The following RAP1A variants were observed in gnomAD, a reference collection of about 807,000 sequenced individuals.
RAP1A encodes ras-related protein Rap-1A.
A neutral mutation model predicts 26.4 loss-of-function variants in RAP1A; 6 were observed. The ratio of observed to expected loss-of-function variants is 0.23; its 90% CI spans 0.12 to 0.45. The LOEUF (loss-of-function observed/expected upper bound fraction) is 0.45. Ranked by LOEUF, RAP1A falls within the 20% of genes least tolerant of loss-of-function variation. The pLI, the probability that RAP1A is intolerant of heterozygous loss-of-function variation, is 0.99. For synonymous variants in RAP1A, 73 were observed against 79.4 expected (o/e 0.92, Z 0.43); for missense variants, 121 against 217.2 (o/e 0.56, Z 2.78).
intron 1 of RAP1A, among the ~76,000 whole-genome samples, chr1:111,612,184 C>A (rs1557865278): frequency 6.6e-6 from 1 of 152,184 alleles, no homozygotes; most frequent in East Asian, 1.9e-4. Flanking sequence ...AAAGACTTCA[C>A]TTACTGTTGG....
chr1:111,582,907 C>T (rs951757348), intron 1 of RAP1A, among the ~76,000 whole-genome samples: 4 of 152,166 alleles, frequency 2.6e-5, no homozygotes, highest in East Asian at 1.9e-4. Context: ...CCTGGTCTCC[C>T]GGCCTGAACC....
chr1:111,687,299 C>T (rs923510867), intron 1 of RAP1A, among the ~76,000 whole-genome samples: 1 of 151,390 alleles, frequency 6.6e-6, no homozygotes, highest in African/African-American at 2.4e-5. Flanking sequence ...CCTCTGTCTC[C>T]TGGGTTTAAG....
chr1:111,675,317 A>G (rs896120164), intron 1 of RAP1A, among the ~76,000 whole-genome samples: 1 of 151,908 alleles, frequency 6.6e-6, no homozygotes, highest in East Asian at 1.9e-4. Context: ...CCGTCTCTAC[A>G]AAAAATTAGC....
At chr1:111,631,720 GTC>G (rs1014007727) in intron 1 of RAP1A, among the ~76,000 whole-genome samples, 1 of 152,166 alleles carries the variant, frequency 6.6e-6, no homozygotes, top group Admixed American at 6.5e-5. Flanking sequence ...TTTTCAGTGA[GTC>G]ACACCATTTT....
chr1:111,567,348 A>G (rs1364400077), intron 1 of RAP1A, among the ~76,000 whole-genome samples: 2 of 152,188 alleles, frequency 1.3e-5, no homozygotes, highest in African/African-American at 4.8e-5. Context: ...GTTTTGGATA[A>G]TATTTTGTGC....
chr1:111,653,831 G>T (rs369910094), intron 1 of RAP1A, among the ~76,000 whole-genome samples: 14 of 152,214 alleles, frequency 9.2e-5, no homozygotes, highest in African/African-American at 3.4e-4. Flanking sequence ...ATGAATTAAT[G>T]GATACAACTC....
In RAP1A at chr1:111,619,800, C is replaced by T; in HGVS notation, c.-162C>T. On this transcript the variant is annotated 5_prime_UTR_variant, in exon 1 of 8. Coordinates refer to ENST00000369709, the MANE Select transcript of RAP1A (RefSeq NM_002884.4). The stretch of plus-strand genomic sequence containing the variant: ...CTGGAGGAGGCGCCGCCGCCGCTCC[C>T]GAGGCCCCTGCCGCCGCCGCTCCCG... The T allele has an allele frequency of 5.0e-6, 2 of 398,582 alleles. No homozygotes were observed. Among genetic ancestry groups the T allele is most frequent in the Non-Finnish European group, 8.8e-6 (2 of 226,448 alleles). The allele number at this position is 398,582 out of a possible 1,614,324, so 24.7% of individuals were successfully genotyped here.
chr1:111,574,619 T>G (rs1292328262), intron 1 of RAP1A, among the ~76,000 whole-genome samples: 1 of 152,260 alleles, frequency 6.6e-6, no homozygotes, highest in African/African-American at 2.4e-5. Flanking sequence ...GCTTGTGTTA[T>G]GTCTGATTTC....
chr1:111,592,715 C>T (rs183594069), intron 1 of RAP1A, among the ~76,000 whole-genome samples: 31 of 152,290 alleles, frequency 2.0e-4, no homozygotes, highest in Non-Finnish European at 2.6e-4. Context: ...CTGTTTCCTT[C>T]CCGTTGTTGC....
chr1:111,610,336 G>C lies in RAP1A; in HGVS notation c.-28+67827G>C, dbSNP rs557430844. 6.6e-5 allele frequency among the ~76,000 whole-genome samples: 10 copies of C among 152,104 alleles called. No individual in the cohort carries two copies. The South Asian group carries it at 2.1e-3, about 32-fold the overall frequency. On this transcript the variant is annotated intron_variant, in intron 1 of 7. Transcript: ENST00000356415. ...AACTGAGGTCATAATTTCTGAATCT[G>C]GTTTGAATTTGGAATTTGCTCCCTC...
chr1:111,687,134 T>C (rs1194315974), intron 1 of RAP1A, among the ~76,000 whole-genome samples: 1 of 152,114 alleles, frequency 6.6e-6, no homozygotes, highest in Non-Finnish European at 1.5e-5. Flanking sequence ...TGCCTTGTAT[T>C]TGTCCCATTT....
rs1659236016 is a variant in RAP1A, at chr1:111,622,260, T to C, written c.-28+2326T>C. Among the ~76,000 whole-genome samples the C allele has an allele frequency of 2.6e-5, 4 of 152,288 alleles. No homozygotes were observed. In the South Asian group the frequency reaches 8.3e-4, roughly 32 times the overall value. ...TTCTATTCAAAACCCTCCAGTGTTT[T>C]CCCATCTCATTCACAGTAGAATCCA... On this transcript the variant is annotated intron_variant, in intron 1 of 7. Coordinates refer to ENST00000369709, the MANE Select transcript of RAP1A (RefSeq NM_002884.4).
At chr1:111,701,231 C>T (rs943795821) in intron 4 of RAP1A, among the ~76,000 whole-genome samples, 35 of 152,142 alleles carry the variant, frequency 2.3e-4, no homozygotes, top group African/African-American at 8.4e-4. Context: ...AATCCAGCCT[C>T]CTTACAGCTT....
At chr1:111,576,142 G>A (rs1185381112) in intron 1 of RAP1A, among the ~76,000 whole-genome samples, 4 of 152,112 alleles carry the variant, frequency 2.6e-5, no homozygotes, top group Non-Finnish European at 4.4e-5. Flanking sequence ...CCTGGAGAAC[G>A]TGTTAAAATG....
intron 1 of RAP1A, among the ~76,000 whole-genome samples, chr1:111,632,078 T>G (rs116635826): frequency 7.2e-5 from 11 of 152,192 alleles, no homozygotes; most frequent in Non-Finnish European, 1.2e-4. Flanking sequence ...CTGCCTAATA[T>G]CTATCACAGT....
intron 1 of RAP1A, among the ~76,000 whole-genome samples, chr1:111,630,314 A>G (rs1659530481): frequency 6.6e-6 from 1 of 152,188 alleles, no homozygotes; most frequent in Non-Finnish European, 1.5e-5. Flanking sequence ...TGCTAAATAT[A>G]AATTCTTGAC....
At chr1:111,639,328 C>T (rs1441030156) in intron 1 of RAP1A, among the ~76,000 whole-genome samples, 2 of 151,792 alleles carry the variant, frequency 1.3e-5, no homozygotes, top group Non-Finnish European at 2.9e-5. Flanking sequence ...AATTAGAATC[C>T]GATTTTTTAA....
chr1:111,690,957 G>T (rs1277617711), intron 1 of RAP1A, among the ~76,000 whole-genome samples: 1 of 152,166 alleles, frequency 6.6e-6, no homozygotes, highest in Non-Finnish European at 1.5e-5. Flanking sequence ...TTATATTAAA[G>T]CTCATGAGTG....
At chr1:111,569,377 T>G (rs1571476031) in intron 1 of RAP1A, among the ~76,000 whole-genome samples, 2 of 123,892 alleles carry the variant, frequency 1.6e-5, no homozygotes, top group South Asian at 2.7e-4. Flanking sequence ...CCAGACAGAG[T>G]GAGACTCCGT....
Sources: gnomAD v4.1 joint callset for allele counts (sites outside exome capture counted in the v4.1 genomes callset) on GRCh38, gnomAD v4.1.1 for gene constraint, MANE v1.5 for transcripts, NCBI Gene and HGNC (gene_info 2026-07-23, HGNC 2026-07-21) for gene names.